The following COMMD9 variants were observed in gnomAD, a reference collection of about 807,000 sequenced individuals.
COMMD9 encodes the protein COMM domain containing 9.
Under a neutral mutation model 23.4 loss-of-function variants are expected in COMMD9, and 22 were observed. The observed-to-expected ratio is 0.94, with a 90% CI of 0.67 to 1.34. The LOEUF is 1.34. Among genes scored for constraint, COMMD9 ranks in the 40% most tolerant of loss-of-function variants. COMMD9 has a pLI of 0.00. For synonymous variants in COMMD9, 99 were observed against 97.4 expected, an observed-to-expected ratio of 1.02 and a Z score of -0.10; for missense variants, 231 against 240.2, an observed-to-expected ratio of 0.96 and a Z score of 0.25.
intron 1 of COMMD9, 23 bp from the exon 2 acceptor site, chr11:36,280,860 GA>G (rs368958974): frequency 0.088 from 108,782 of 1,231,698 alleles, 2,878 homozygotes; most frequent in South Asian, 0.14. Flanking sequence ...TCACAGATAG[GA>G]AAAAAAAAAA....
intron 3 of COMMD9, 82 bp downstream of exon 3, chr11:36,278,395 G>A: frequency 1.5e-5 from 19 of 1,293,138 alleles, no homozygotes; most frequent in Non-Finnish European, 2.1e-5. Flanking sequence ...TCAACAATGA[G>A]CATATTACTA....
At chr11:36,282,381 GA>G (rs1446071643) in intron 1 of COMMD9, among the ~76,000 whole-genome samples, 3 of 150,778 alleles carry the variant, frequency 2.0e-5, no homozygotes, top group African/African-American at 2.4e-5. Context: ...GAAAGACAAA[GA>G]AAAAAATATT....
chr11:36,286,395 C>CAAAAA (rs138463305), intron 1 of COMMD9, among the ~76,000 whole-genome samples: 1,864 of 76,662 alleles, frequency 0.024, 31 homozygotes, highest in Middle Eastern at 0.045. Flanking sequence ...ACTAAAAATA[C>CAAAAA]AAAAAAAAAA....
intron 1 of COMMD9, among the ~76,000 whole-genome samples, chr11:36,281,161 T>G (rs1856059952): frequency 6.6e-6 from 1 of 152,050 alleles, no homozygotes; most frequent in African/African-American, 2.4e-5. Flanking sequence ...ATCCCAGACT[T>G]TCAGCTGAAG....
At chr11:36,283,001 A>C (rs1421979823) in intron 1 of COMMD9, among the ~76,000 whole-genome samples, 1 of 152,236 alleles carries the variant, frequency 6.6e-6, no homozygotes, top group Non-Finnish European at 1.5e-5. Context: ...GTCCAAGGGT[A>C]AGAGGAGAAA....
At chr11:36,275,165 C>T (rs1855949512) in intron 5 of COMMD9, among the ~76,000 whole-genome samples, 1 of 152,198 alleles carries the variant, frequency 6.6e-6, no homozygotes, top group Admixed American at 6.5e-5. Context: ...AATCTTACAA[C>T]CTTTAGTTTT....
At chr11:36,276,034 T>A (rs1855964323) in intron 5 of COMMD9, 103 bp downstream of exon 5, 1 of 788,792 alleles carries the variant, frequency 1.3e-6, no homozygotes, top group Non-Finnish European at 2.1e-6. Context: ...GATGGTAATT[T>A]AAAAAAATAT....
At chr11:36,286,409 AAAAAGAAAGAAAGAAAG>A (rs1356597844) in intron 1 of COMMD9, among the ~76,000 whole-genome samples, 1,256 of 71,240 alleles carry the variant, frequency 0.018, 16 homozygotes, top group African/African-American at 0.049. Flanking sequence ...AAAAAAAAAA[AAAAAGAAAGAAAGAAAG>A]AAAGAAAGAA....
Position 36,273,917 on chromosome 11 carries a change from C to A in COMMD9, c.*715G>T. 1 of 177,222 alleles carries A rather than the reference C, an allele frequency of 5.6e-6. No individual in the cohort carries two copies. The highest frequency in any genetic ancestry group is 1.2e-5 in the Non-Finnish European group (1 of 82,076). The allele number at this position is 177,222 out of a possible 1,614,324, so 11.0% of individuals were successfully genotyped here. A position where few individuals can be genotyped will look rare whatever the true frequency, so the allele number is the denominator to read the frequency against. The stretch of plus-strand genomic sequence containing the variant: ...TTTAAAAACTAGAGAAGGTACTGGC[C>A]AAAAGCTTCAACTTGGGGACAAAAG... On this transcript the variant is annotated 3_prime_UTR_variant, in exon 6 of 6. Coordinates refer to ENST00000263401, the MANE Select transcript of COMMD9 (RefSeq NM_014186.4).
At chr11:36,277,321 A>G (rs1244333503) in intron 3 of COMMD9, among the ~76,000 whole-genome samples, 198 bp from the exon 4 acceptor site, 1 of 152,226 alleles carries the variant, frequency 6.6e-6, no homozygotes, top group East Asian at 1.9e-4. Flanking sequence ...TTAAGGCCCT[A>G]AGTGTTGTCA....
chr11:36,278,269 G>GAA, intron 3 of COMMD9: 21 of 436,384 alleles, frequency 4.8e-5, no homozygotes, highest in Admixed American at 1.3e-4. Context: ...GTGTAAAGAG[G>GAA]AAAAAAAAAA....
chr11:36,278,835 C>CTGA (rs1856019474), intron 2 of COMMD9, among the ~76,000 whole-genome samples: 1 of 152,216 alleles, frequency 6.6e-6, no homozygotes, highest in African/African-American at 2.4e-5. Flanking sequence ...GATGCAGCTC[C>CTGA]CTGACCTAGG....
In COMMD9 at chr11:36,274,261, GA is replaced by G. The variant is rs1215447862; in HGVS notation, c.*370del. 6.3e-6 allele frequency: 3 copies of G among 478,262 alleles called. No homozygotes were observed. The highest frequency in any genetic ancestry group is 3.1e-5 in the South Asian group (2 of 64,762). 29.6% of individuals were successfully genotyped at this position (478,262 alleles called of 1,614,324 possible). ...AATGAACTAATTAGAGCTAATGTTG[GA>G]AATAAACTTACTTATTGGATAGGCT... is the stretch of plus-strand genomic sequence containing the variant. On this transcript the variant is annotated 3_prime_UTR_variant, in exon 6 of 6. Transcript: ENST00000263401.
At chr11:36,277,819 T>C (rs971853912) in intron 3 of COMMD9, among the ~76,000 whole-genome samples, 12 of 120,704 alleles carry the variant, frequency 9.9e-5, no homozygotes, top group African/African-American at 3.9e-4. Flanking sequence ...CCATTTGCCA[T>C]TGTGGAACTG....
At chr11:36,284,518 T>C (rs1290032774) in intron 1 of COMMD9, among the ~76,000 whole-genome samples, 1 of 152,210 alleles carries the variant, frequency 6.6e-6, no homozygotes, top group Non-Finnish European at 1.5e-5. Context: ...AACAATACCA[T>C]CAATCAATTA....
intron 4 of COMMD9, 156 bp downstream of exon 4, chr11:36,276,933 A>G (rs1443756535): frequency 5.2e-5 from 24 of 458,610 alleles, no homozygotes; most frequent in Non-Finnish European, 9.1e-5. Context: ...AAAGTTAAAA[A>G]GTAGAATTAG....
intron 1 of COMMD9, among the ~76,000 whole-genome samples, chr11:36,282,414 C>A (rs1396728408): frequency 1.3e-5 from 2 of 151,332 alleles, no homozygotes; most frequent in Non-Finnish European, 2.9e-5. Context: ...AAAATGACAC[C>A]TTACCTATTT....
At chr11:36,276,274 C>T in intron 4 of COMMD9, 34 bp from the exon 5 acceptor site, 1 of 1,471,486 alleles carries the variant, frequency 6.8e-7, no homozygotes, top group Non-Finnish European at 9.5e-7. Context: ...AATGCTCATG[C>T]CGCCCGTGTT....
At chr11:36,287,547 C>T (rs892407974) in intron 1 of COMMD9, among the ~76,000 whole-genome samples, 2 of 151,018 alleles carry the variant, frequency 1.3e-5, no homozygotes, top group Non-Finnish European at 1.5e-5. Context: ...AATGGGATCT[C>T]TCTATATTAT....
Sources: gnomAD v4.1 joint callset for allele counts (sites outside exome capture counted in the v4.1 genomes callset) on GRCh38, gnomAD v4.1.1 for gene constraint, MANE v1.5 for transcripts, NCBI Gene and HGNC (gene_info 2026-07-23, HGNC 2026-07-21) for gene names.